LRRN1: variants seen among roughly 807,000 people sequenced by gnomAD.
LRRN1 encodes the protein leucine-rich repeat neuronal protein 1.
A neutral mutation model predicts 45.8 loss-of-function variants in LRRN1; 14 were observed. The ratio of observed to expected loss-of-function variants is 0.31; its 90% CI spans 0.20 to 0.48. The LOEUF (loss-of-function observed/expected upper bound fraction) is 0.48, where lower values mean the gene tolerates loss of function less well. LRRN1 is among the 20% of genes least tolerant of loss of function. LRRN1 has a pLI of 0.99. For synonymous variants in LRRN1, 359 were observed against 330.1 expected, an observed-to-expected ratio of 1.09 and a Z score of -0.95; for missense variants, 789 against 874.2, an observed-to-expected ratio of 0.90 and a Z score of 1.23.
intron 1 of LRRN1, among the ~76,000 whole-genome samples, chr3:3,838,717 C>A (rs1693580912): frequency 6.6e-6 from 1 of 152,094 alleles, no homozygotes; most frequent in African/African-American, 2.4e-5. Context: ...AGTGTCCATC[C>A]TAATGAGTAT....
At chr3:3,832,728 C>G (rs1445291216) in intron 1 of LRRN1, among the ~76,000 whole-genome samples, 1 of 152,196 alleles carries the variant, frequency 6.6e-6, no homozygotes, top group African/African-American at 2.4e-5. Flanking sequence ...GTTCCATAAA[C>G]TGGCTCCAGT....
chr3:3,842,198 G>T (rs543823733), intron 1 of LRRN1, among the ~76,000 whole-genome samples: 1 of 152,056 alleles, frequency 6.6e-6, no homozygotes, highest in Admixed American at 6.6e-5. Flanking sequence ...TTGTATATGC[G>T]GTCCATCATT....
chr3:3,815,587 C>T (rs890039137), intron 1 of LRRN1, among the ~76,000 whole-genome samples: 1 of 152,188 alleles, frequency 6.6e-6, no homozygotes, highest in Admixed American at 6.5e-5. Flanking sequence ...AAACTAACTA[C>T]TTGCTCACAT....
rs763534771 is a variant in LRRN1, at chr3:3,799,841, C to CCTG, written c.-346_-344dup. 2.3e-4 allele frequency: 37 copies of CCTG among 163,930 alleles called. No homozygotes were observed. The highest frequency in any genetic ancestry group is 3.6e-4 in the East Asian group (2 of 5,490). The allele number at this position is 163,930 out of a possible 1,614,324, so 10.2% of individuals were successfully genotyped here. ...TCCTCCTCCTCGTCTTTCTCCTCCT[C>CCTG]CTGCTGCTGCTGCCGCCGCCGCCGC... On this transcript the variant is annotated 5_prime_UTR_variant, in exon 1 of 2. Coordinates refer to ENST00000319331, the MANE Select transcript of LRRN1 (RefSeq NM_020873.7).
rs565554015 is a variant in LRRN1, at chr3:3,841,510, G to GT, written c.-278-2853dup. On this transcript the variant is annotated intron_variant, in intron 1 of 1. Coordinates refer to ENST00000319331, the MANE Select transcript of LRRN1 (RefSeq NM_020873.7). ...AATAATAAAAATGTTATTCTCTGTG[G>GT]TATGTTTTCTTTTCTTTTGTTTTTT... Among the ~76,000 whole-genome samples the GT allele has an allele frequency of 8.8e-4, 134 of 151,604 alleles. No homozygotes were observed. In the East Asian group the frequency reaches 0.015, roughly 17 times the overall value.
At chr3:3,829,491 G>C (rs1270173542) in intron 1 of LRRN1, among the ~76,000 whole-genome samples, 1 of 152,096 alleles carries the variant, frequency 6.6e-6, no homozygotes, top group Non-Finnish European at 1.5e-5. Context: ...TCTAGCTATG[G>C]GACAAACATT....
chr3:3,809,189 G>A (rs902242292), intron 1 of LRRN1, among the ~76,000 whole-genome samples: 1 of 152,168 alleles, frequency 6.6e-6, no homozygotes, highest in Non-Finnish European at 1.5e-5. Flanking sequence ...TGTCGCCCAG[G>A]CTGGAGTGCA....
chr3:3,808,720 T>C (rs1180548775), intron 1 of LRRN1, among the ~76,000 whole-genome samples: 3 of 152,232 alleles, frequency 2.0e-5, no homozygotes, highest in African/African-American at 7.2e-5. Flanking sequence ...CTGGACTACG[T>C]TAGCTCTCTT....
intron 1 of LRRN1, among the ~76,000 whole-genome samples, chr3:3,811,846 A>G (rs1692876810): frequency 2.0e-5 from 3 of 152,238 alleles, no homozygotes; most frequent in African/African-American, 7.2e-5. Context: ...GAATCAAATC[A>G]AAATAATTAA....
At chr3:3,833,386 A>T (rs548372756) in intron 1 of LRRN1, among the ~76,000 whole-genome samples, 53 of 152,372 alleles carry the variant, frequency 3.5e-4, no homozygotes, top group African/African-American at 1.2e-3. Context: ...GAGCTGCAAC[A>T]TTAAATGCAG....
intron 1 of LRRN1, among the ~76,000 whole-genome samples, chr3:3,822,548 C>T (rs78726930): frequency 6.6e-6 from 1 of 152,080 alleles, no homozygotes; most frequent in Non-Finnish European, 1.5e-5. Context: ...TGAAACACTT[C>T]TTTCCAGACA....
At chr3:3,810,388 G>A (rs1276168520) in intron 1 of LRRN1, among the ~76,000 whole-genome samples, 2 of 152,192 alleles carry the variant, frequency 1.3e-5, no homozygotes, top group Non-Finnish European at 2.9e-5. Flanking sequence ...GTTGTAAATG[G>A]TCCATAGACA....
chr3:3,800,816 C>G (rs536036944), intron 1 of LRRN1: 1 of 153,010 alleles, frequency 6.5e-6, no homozygotes, highest in East Asian at 1.9e-4. Flanking sequence ...GTGAGGGAAG[C>G]CTCAGCCCCG....
At chr3:3,811,036 C>T (rs1692861295) in intron 1 of LRRN1, among the ~76,000 whole-genome samples, 1 of 152,142 alleles carries the variant, frequency 6.6e-6, no homozygotes, top group Non-Finnish European at 1.5e-5. Flanking sequence ...ACTCTTAGCT[C>T]TGGGGGAAAG....
chr3:3,815,127 G>A (rs1055397812), intron 1 of LRRN1, among the ~76,000 whole-genome samples: 1 of 152,066 alleles, frequency 6.6e-6, no homozygotes, highest in Non-Finnish European at 1.5e-5. Context: ...AGCTACTGTG[G>A]CATAACCAAA....
At position 3,804,953 on chromosome 3, in the gene LRRN1, T is replaced by C. The variant is rs183042182; in HGVS notation, c.-279+5034T>C. On this transcript the variant is annotated intron_variant, in intron 1 of 1. Coordinates refer to ENST00000319331, the MANE Select transcript of LRRN1 (RefSeq NM_020873.7). ...GGAAGAGAGCCATCCTACAGTGGTG[T>C]CCAGGAAAGGACAATCTTGGAAACA... Among the ~76,000 whole-genome samples the C allele has an allele frequency of 1.6e-3, 245 of 152,272 alleles. 1 individual carries two copies. Among genetic ancestry groups the C allele is most frequent in the African/African-American group, 5.2e-3 (217 of 41,560 alleles).
chr3:3,823,548 T>C (rs1244364563), intron 1 of LRRN1, among the ~76,000 whole-genome samples: 1 of 152,192 alleles, frequency 6.6e-6, no homozygotes, highest in Non-Finnish European at 1.5e-5. Flanking sequence ...TTGTCTTAAG[T>C]TGACGCCAAA....
In LRRN1 at chr3:3,846,627, C is replaced by G; in HGVS notation, c.1986C>G (p.His662Gln). The part of the protein sequence containing the change: ...FAKRFKRKNY[H>Q]HSLKKYMQKT... ...AAAGATTTAAGAGAAAAAACTACCA[C>G]CACTCATTAAAAAAGTATATGCAAA... Residue 662 changes from histidine to glutamine, a missense_variant, in exon 2 of 2, where the codon CAC becomes CAG. Physicochemically the swap from His to Gln is conservative, Grantham distance 24. Transcript: ENST00000319331. This position sits in a 1 kb window ranked among gnomAD's most constrained non-coding sequence, Gnocchi z 5.7. The G allele has an allele frequency of 6.2e-7, 1 of 1,614,092 alleles. No individual in the cohort carries two copies. Among genetic ancestry groups the G allele is most frequent in the Non-Finnish European group, 8.5e-7 (1 of 1,180,016 alleles).
chr3:3,838,703 T>C (rs1445389807), intron 1 of LRRN1, among the ~76,000 whole-genome samples: 1 of 152,218 alleles, frequency 6.6e-6, no homozygotes, highest in Non-Finnish European at 1.5e-5. Context: ...TTTTCTGTTG[T>C]GATAGTGTCC....
Sources: allele counts gnomAD v4.1 joint callset (sites outside exome capture counted in the v4.1 genomes callset), GRCh38; gene constraint gnomAD v4.1.1; non-coding constraint Gnocchi (gnomAD v3.1); transcripts MANE v1.5; gene names NCBI Gene and HGNC (gene_info 2026-07-23, HGNC 2026-07-21).